USP7: variants seen among roughly 807,000 people sequenced by gnomAD.
USP7 encodes the protein ubiquitin specific peptidase 7.
A neutral mutation model predicts 162.9 loss-of-function variants in USP7; 9 were observed. That is an observed-to-expected ratio of 0.06 (90% CI 0.03 to 0.10). The LOEUF (loss-of-function observed/expected upper bound fraction) is 0.10. Ranked by LOEUF, USP7 falls within the 10% of genes least tolerant of loss-of-function variation. The probability of loss-of-function intolerance (pLI) is 1.00; values close to 1 mark genes in which losing one functional copy is unlikely to be tolerated. For missense variants in USP7, 715 were observed against 1,373.7 expected (o/e 0.52, Z 7.58); for synonymous variants, 562 against 475.9 (o/e 1.18, Z -2.35).
In USP7 at chr16:8,934,121, T is replaced by A. The variant is rs184498609; in HGVS notation, c.80-3724A>T. On this transcript the variant is annotated intron_variant, in intron 1 of 30. Coordinates refer to ENST00000344836, the MANE Select transcript of USP7 (RefSeq NM_003470.3). ...TACTTTTAACTTCCTTGGTTCAAAC[T>A]TACCCTACGACAATAGCTTTAAAAC... 2.0e-5 allele frequency among the ~76,000 whole-genome samples: 3 copies of A among 152,294 alleles called. No individual in the cohort carries two copies. In the East Asian group the frequency reaches 5.8e-4, roughly 29 times the overall value.
At chr16:8,899,385 AG>A (rs2061740249) in intron 22 of USP7, 197 bp from the exon 23 acceptor site, 1 of 766,824 alleles carries the variant, frequency 1.3e-6, no homozygotes, top group Non-Finnish European at 2.1e-6. Context: ...AACTTTGGAA[AG>A]GGTTTTCACT....
chr16:8,914,018 A>G (rs1415190185), intron 10 of USP7, among the ~76,000 whole-genome samples: 1 of 152,014 alleles, frequency 6.6e-6, no homozygotes. Context: ...AATTACAGGC[A>G]TGAGCGACCA....
chr16:8,957,861 A>G lies in USP7; in HGVS notation c.79+5346T>C, dbSNP rs77387014. Among the ~76,000 whole-genome samples, 988 of 152,332 alleles carry G rather than the reference A, an allele frequency of 6.5e-3. 10 individuals carry two copies. The highest frequency in any genetic ancestry group is 0.023 in the African/African-American group (947 of 41,572). On this transcript the variant is annotated intron_variant, in intron 1 of 30. Transcript: ENST00000344836. ...AATTTTCAGTTATTTATGAAAGTCT[A>G]TCAATGTCTTTGTCTGGAAAACGGG...
At chr16:8,896,903 T>C (rs1444385354) in intron 26 of USP7, 96 bp downstream of exon 26, 1 of 931,518 alleles carries the variant, frequency 1.1e-6, no homozygotes, top group African/African-American at 1.6e-5. Flanking sequence ...CGCGCATGGA[T>C]CCCAGCTGGG....
intron 2 of USP7, chr16:8,929,540 T>A (rs1054113703): frequency 2.2e-6 from 1 of 455,920 alleles, no homozygotes; most frequent in Non-Finnish European, 4.4e-6. Flanking sequence ...GCCCCGTTAC[T>A]CCCCTGGGAA....
chr16:8,892,578 TTAAGAG>T lies in USP7; in HGVS notation c.*1414_*1419del, dbSNP rs1390179882. 5 of 146,250 alleles carry T rather than the reference TTAAGAG, an allele frequency of 3.4e-5. No individual in the cohort carries two copies. The highest frequency in any genetic ancestry group is 1.3e-4 in the African/African-American group (5 of 39,200). The allele number at this position is 146,250 out of a possible 1,614,324, so 9.1% of individuals were successfully genotyped here. On this transcript the variant is annotated 3_prime_UTR_variant, in exon 31 of 31. Coordinates refer to ENST00000344836, the MANE Select transcript of USP7 (RefSeq NM_003470.3). The stretch of plus-strand genomic sequence containing the variant: ...TCTCTCCTGGAAAACCTTTCATTTC[TTAAGAG>T]TAAATGTGACTAGTTAGAGGCTAAA...
At chr16:8,945,017 C>A (rs1899215069) in intron 1 of USP7, among the ~76,000 whole-genome samples, 1 of 152,080 alleles carries the variant, frequency 6.6e-6, no homozygotes. Context: ...TTTGGGAGAC[C>A]AAGGCAGATG....
chr16:8,925,941 T>C (rs935834068), intron 2 of USP7, among the ~76,000 whole-genome samples: 2 of 148,008 alleles, frequency 1.4e-5, no homozygotes, highest in African/African-American at 5.0e-5. Context: ...GATCACGAGG[T>C]CAGGAGATCG....
At chr16:8,895,558 T>C (rs1014195891) in intron 27 of USP7, 84 bp downstream of exon 27, 1 of 1,151,714 alleles carries the variant, frequency 8.7e-7, no homozygotes, top group Non-Finnish European at 1.3e-6. Flanking sequence ...TCAAGCTACT[T>C]GTACAACTTG....
intron 1 of USP7, among the ~76,000 whole-genome samples, chr16:8,962,149 G>C (rs1900039669): frequency 1.3e-5 from 2 of 152,126 alleles, no homozygotes; most frequent in South Asian, 4.1e-4. Flanking sequence ...AGCTCCCCTG[G>C]AGCTTCATTC....
intron 1 of USP7, among the ~76,000 whole-genome samples, chr16:8,940,469 C>A (rs1898987754): frequency 6.6e-6 from 1 of 152,158 alleles, no homozygotes; most frequent in Non-Finnish European, 1.5e-5. Context: ...GCGCCACCAT[C>A]AAGGCTGTTG....
intron 1 of USP7, 41 bp downstream of exon 1, chr16:8,963,166 G>A: frequency 1.4e-5 from 19 of 1,383,872 alleles, no homozygotes; most frequent in Admixed American, 2.7e-5. Context: ...CACAATGAAA[G>A]GCGCCCCCCG....
At chr16:8,960,736 C>G (rs892050059) in intron 1 of USP7, among the ~76,000 whole-genome samples, 1 of 152,214 alleles carries the variant, frequency 6.6e-6, no homozygotes. Flanking sequence ...AGCCTTCTGG[C>G]TTTTTAACAG....
intron 11 of USP7, among the ~76,000 whole-genome samples, chr16:8,909,417 A>G (rs891772250): frequency 1.3e-5 from 2 of 152,188 alleles, no homozygotes; most frequent in East Asian, 1.9e-4. Flanking sequence ...CTATCTCAGG[A>G]AAGACAAAAA....
At position 8,936,586 on chromosome 16, in the gene USP7, C is replaced by G. The variant is rs777543299; in HGVS notation, c.80-6189G>C. The G allele has an allele frequency of 1.0e-5, 16 of 1,545,286 alleles. No individual in the cohort carries two copies. The Middle Eastern group carries it at 6.7e-4, about 64-fold the overall frequency. ...TCAACCTGAAAACCTGACTCACCTT[C>G]CAGCCCAAGCCTGTGGTTCCCAGCC... On this transcript the variant is annotated intron_variant, in intron 1 of 30. Coordinates refer to ENST00000344836, the MANE Select transcript of USP7 (RefSeq NM_003470.3).
chr16:8,917,280 G>T (rs907934807), intron 6 of USP7, 124 bp from the exon 7 acceptor site: 4 of 1,200,940 alleles, frequency 3.3e-6, no homozygotes, highest in Non-Finnish European at 3.3e-6. Context: ...TAAGGTTGTT[G>T]TTAGGGCTTT....
At chr16:8,947,882 G>A (rs1899360506) in intron 1 of USP7, among the ~76,000 whole-genome samples, 1 of 152,154 alleles carries the variant, frequency 6.6e-6, no homozygotes, top group South Asian at 2.1e-4. Context: ...CCCTCAGTGT[G>A]CAATTCGGAA....
At chr16:8,916,933 G>C in intron 7 of USP7, 93 bp downstream of exon 7, 1 of 1,385,668 alleles carries the variant, frequency 7.2e-7, no homozygotes, top group Admixed American at 2.8e-5. Context: ...CCTACAGTAT[G>C]CTCTACTAAC....
At chr16:8,923,437 T>C (rs1359574182) in intron 2 of USP7, 24 bp from the exon 3 acceptor site, 2 of 1,612,364 alleles carry the variant, frequency 1.2e-6, no homozygotes, top group African/African-American at 2.7e-5. Context: ...ACATCATCAG[T>C]CACAGAGCCT....
Sources: gnomAD v4.1 joint callset for allele counts (sites outside exome capture counted in the v4.1 genomes callset) on GRCh38, gnomAD v4.1.1 for gene constraint, MANE v1.5 for transcripts, NCBI Gene and HGNC (gene_info 2026-07-23, HGNC 2026-07-21) for gene names.